INO80: variants seen among roughly 807,000 people sequenced by gnomAD.
INO80 encodes the protein chromatin-remodeling ATPase INO80.
A neutral mutation model predicts 203.4 loss-of-function variants in INO80; 20 were observed. The ratio of observed to expected loss-of-function variants is 0.10; its 90% CI spans 0.07 to 0.14. The LOEUF (loss-of-function observed/expected upper bound fraction) is 0.14. INO80 is among the 10% of genes least tolerant of loss of function. The probability of loss-of-function intolerance (pLI) is 1.00; values close to 1 mark genes in which losing one functional copy is unlikely to be tolerated. For missense variants in INO80, 1,419 were observed against 1,914.4 expected (o/e 0.74, Z 4.83); for synonymous variants, 726 against 685.2 (o/e 1.06, Z -0.93).
At chr15:41,076,006 G>A (rs1396959444) in intron 9 of INO80, among the ~76,000 whole-genome samples, 1 of 152,152 alleles carries the variant, frequency 6.6e-6, no homozygotes. Flanking sequence ...CAAGTTAATG[G>A]AAGAAAGAAA....
intron 31 of INO80, among the ~76,000 whole-genome samples, chr15:40,986,175 T>C (rs1361786117): frequency 6.6e-6 from 1 of 152,104 alleles, no homozygotes; most frequent in South Asian, 2.1e-4. Context: ...TTCTCCAACT[T>C]TTCCATAAAA....
intron 27 of INO80, among the ~76,000 whole-genome samples, chr15:41,008,370 G>A (rs966846341): frequency 2.0e-5 from 3 of 152,104 alleles, no homozygotes; most frequent in Non-Finnish European, 4.4e-5. Context: ...ATATGTGCAA[G>A]CTTAAAAAGT....
intron 24 of INO80, among the ~76,000 whole-genome samples, chr15:41,033,321 T>C (rs889377120): frequency 6.6e-6 from 1 of 151,818 alleles, no homozygotes. Context: ...TTTCTATCTC[T>C]GCTGCCTGAA....
chr15:41,015,944 CAAA>C (rs200056630), intron 27 of INO80, 141 bp downstream of exon 27: 3,227 of 460,838 alleles, frequency 7.0e-3, no homozygotes, highest in South Asian at 0.01. Context: ...GACTCTGTCT[CAAA>C]AAAAAAAAAA....
At chr15:41,018,656 T>TA (rs2044245197) in intron 26 of INO80, 1 of 152,238 alleles carries the variant, frequency 6.6e-6, no homozygotes, top group South Asian at 2.1e-4. Context: ...CAGTCTCTAG[T>TA]ATTTGTCCTT....
intron 19 of INO80, among the ~76,000 whole-genome samples, chr15:41,051,069 C>T (rs918848329): frequency 7.2e-6 from 1 of 138,354 alleles, no homozygotes; most frequent in Non-Finnish European, 1.5e-5. Flanking sequence ...GCAGAAGTTG[C>T]AGTGAGCCGA....
At chr15:40,986,204 G>A (rs2043730367) in intron 31 of INO80, among the ~76,000 whole-genome samples, 1 of 151,616 alleles carries the variant, frequency 6.6e-6, no homozygotes, top group South Asian at 2.1e-4. Flanking sequence ...CTGGGCAGAA[G>A]AGCAAATTCA....
intron 6 of INO80, 38 bp from the exon 7 acceptor site, chr15:41,085,621 AG>A: frequency 6.4e-7 from 1 of 1,553,236 alleles, no homozygotes; most frequent in Non-Finnish European, 8.9e-7. Flanking sequence ...GCACTTCCAC[AG>A]GAGATAGTCA....
intron 24 of INO80, among the ~76,000 whole-genome samples, chr15:41,032,831 A>G (rs2044510964): frequency 6.6e-6 from 1 of 152,086 alleles, no homozygotes; most frequent in Admixed American, 6.6e-5. Context: ...CGAGGTCAGG[A>G]GTTCGAAACC....
intron 1 of INO80, among the ~76,000 whole-genome samples, chr15:41,113,195 G>A (rs1479374309): frequency 1.3e-5 from 2 of 152,076 alleles, no homozygotes; most frequent in African/African-American, 2.4e-5. Flanking sequence ...GATTACAGGT[G>A]TGAGCCACCA....
chr15:41,091,918 C>T, intron 5 of INO80, 109 bp downstream of exon 5: 1 of 855,240 alleles, frequency 1.2e-6, no homozygotes, highest in South Asian at 2.2e-5. Context: ...TCCCAAAGTG[C>T]TGGGATTATA....
At chr15:41,064,109 G>A (rs1008499625) in intron 14 of INO80, among the ~76,000 whole-genome samples, 14 of 152,118 alleles carry the variant, frequency 9.2e-5, no homozygotes, top group African/African-American at 3.4e-4. Flanking sequence ...AATCAGTAAA[G>A]ACATGAAAGA....
intron 14 of INO80, among the ~76,000 whole-genome samples, chr15:41,062,073 T>C (rs77692370): frequency 6.6e-6 from 1 of 152,154 alleles, no homozygotes; most frequent in Non-Finnish European, 1.5e-5. Flanking sequence ...TTAATAAAAA[T>C]TGAATATACA....
At chr15:40,989,114 G>A (rs1344205860) in intron 29 of INO80, among the ~76,000 whole-genome samples, 1 of 152,148 alleles carries the variant, frequency 6.6e-6, no homozygotes, top group Non-Finnish European at 1.5e-5. Context: ...AGGAGGCGGG[G>A]AGTACAGTGA....
At position 40,979,804 on chromosome 15, in the gene INO80, CTCT is replaced by C. The variant is rs1893747841; in HGVS notation, c.*416_*418del. 4.7e-6 allele frequency: 1 copy of C among 215,030 alleles called. No individual in the cohort carries two copies. Among genetic ancestry groups the C allele is most frequent in the African/African-American group, 2.3e-5 (1 of 43,708 alleles). The allele number at this position is 215,030 out of a possible 1,614,324, so 13.3% of individuals were successfully genotyped here. Reference sequence around the variant, plus strand: ...CTTACTAGCCCTATGAGAAATCACACTCTTAAGAGAAATCTCTACCATGGAAGG... The same window carrying C: ...CTTACTAGCCCTATGAGAAATCACACTAAGAGAAATCTCTACCATGGAAGG... On this transcript the variant is annotated 3_prime_UTR_variant, in exon 36 of 36. Transcript: ENST00000648947.
At position 41,095,990 on chromosome 15, in the gene INO80, G is replaced by C. The variant is rs915615881; in HGVS notation, c.144-62C>G. On this transcript the variant is annotated intron_variant, in intron 2 of 35. Transcript: ENST00000648947. ...CCCAATAAAATATAATTTAAAGTTA[G>C]AACTGGACACTTTACAGAAGAAACT... 4.0e-6 allele frequency: 6 copies of C among 1,503,778 alleles called. No individual in the cohort carries two copies. In the African/African-American group the frequency reaches 8.4e-5, roughly 21 times the overall value. 93.2% of individuals were successfully genotyped at this position (1,503,778 alleles called of 1,614,324 possible). A position where few individuals can be genotyped will look rare whatever the true frequency, so the allele number is the denominator to read the frequency against.
intron 14 of INO80, 150 bp from the exon 15 acceptor site, chr15:41,060,076 A>G: frequency 1.7e-6 from 1 of 600,696 alleles, no homozygotes; most frequent in Non-Finnish European, 2.9e-6. Flanking sequence ...TGGTTTAACC[A>G]ACCCTGTTGT....
At chr15:41,058,560 T>C (rs2045039395) in intron 16 of INO80, 79 bp downstream of exon 16, 5 of 1,067,574 alleles carry the variant, frequency 4.7e-6, no homozygotes, top group South Asian at 3.0e-5. Flanking sequence ...TCTGTGTGTG[T>C]GTGTGTGTGC....
At chr15:41,036,156 GAAAAAAAAAAAA>G (rs369185302) in intron 24 of INO80, among the ~76,000 whole-genome samples, 3,657 of 32,384 alleles carry the variant, frequency 0.11, 224 homozygotes, top group African/African-American at 0.32. Context: ...ACTCTCTCTC[GAAAAAAAAAAAA>G]AAAAAAAAAA....
Sources: gnomAD v4.1 joint callset for allele counts (sites outside exome capture counted in the v4.1 genomes callset) on GRCh38, gnomAD v4.1.1 for gene constraint, MANE v1.5 for transcripts, NCBI Gene and HGNC (gene_info 2026-07-23, HGNC 2026-07-21) for gene names.